The following PDE5A variants were observed in gnomAD, a reference collection of about 807,000 sequenced individuals.
PDE5A encodes phosphodiesterase 5A.
A neutral mutation model predicts 110.2 loss-of-function variants in PDE5A; 67 were observed. That is an observed-to-expected ratio of 0.61 (90% confidence interval 0.50 to 0.75). The LOEUF is 0.75. PDE5A is among the 30% of genes least tolerant of loss of function. The probability of loss-of-function intolerance (pLI) is 0.00; values close to 1 mark genes in which losing one functional copy is unlikely to be tolerated. For synonymous variants in PDE5A, 328 were observed against 351.2 expected (o/e 0.93, Z 0.74); for missense variants, 862 against 1,045.1 (o/e 0.82, Z 2.42).
At chr4:119,591,889 C>G (rs937646461) in intron 3 of PDE5A, among the ~76,000 whole-genome samples, 1 of 150,802 alleles carries the variant, frequency 6.6e-6, no homozygotes, top group South Asian at 2.1e-4. Flanking sequence ...CAGTGGCTCA[C>G]GCCTGTAATC....
At chr4:119,598,494 T>C (rs955089529) in intron 2 of PDE5A, among the ~76,000 whole-genome samples, 3 of 152,318 alleles carry the variant, frequency 2.0e-5, no homozygotes, top group South Asian at 4.1e-4. Context: ...ACTACAATCA[T>C]TGTGATTATT....
chr4:119,573,793 G>T (rs1252581379), intron 3 of PDE5A, among the ~76,000 whole-genome samples: 6 of 152,148 alleles, frequency 3.9e-5, no homozygotes. Flanking sequence ...CTAAGGAATT[G>T]CAAGATATAA....
At chr4:119,500,584 C>CCT (rs1254122029) in intron 20 of PDE5A, among the ~76,000 whole-genome samples, 2 of 152,032 alleles carry the variant, frequency 1.3e-5, no homozygotes, top group African/African-American at 4.8e-5. Context: ...AAAACATTTC[C>CCT]GTTTAAACCT....
chr4:119,527,900 C>T (rs1463801595), intron 11 of PDE5A, among the ~76,000 whole-genome samples: 1 of 152,022 alleles, frequency 6.6e-6, no homozygotes, highest in East Asian at 1.9e-4. Flanking sequence ...GTGATACCAC[C>T]TAATACCACC....
chr4:119,522,126 A>C (rs139639394), intron 12 of PDE5A, among the ~76,000 whole-genome samples: 309 of 152,260 alleles, frequency 2.0e-3, no homozygotes, highest in African/African-American at 7.2e-3. Context: ...ACTTGGTGGG[A>C]AATCAATGCT....
intron 3 of PDE5A, among the ~76,000 whole-genome samples, chr4:119,595,717 G>A (rs1420691062): frequency 1.3e-5 from 2 of 152,184 alleles, no homozygotes; most frequent in African/African-American, 4.8e-5. Flanking sequence ...TTACACCACA[G>A]GTTTTCCTGT....
intron 6 of PDE5A, 116 bp downstream of exon 6, chr4:119,562,717 A>T: frequency 2.7e-6 from 2 of 744,300 alleles, no homozygotes; most frequent in Non-Finnish European, 4.2e-6. Context: ...ATACATATTC[A>T]TACACATTTG....
intron 3 of PDE5A, among the ~76,000 whole-genome samples, chr4:119,593,077 A>G (rs1729036652): frequency 6.6e-6 from 1 of 152,200 alleles, no homozygotes; most frequent in East Asian, 1.9e-4. Flanking sequence ...CTGATACACT[A>G]TGTGTTGCCA....
chr4:119,549,344 T>C (rs1727256722), intron 9 of PDE5A: 1 of 152,220 alleles, frequency 6.6e-6, no homozygotes, highest in Non-Finnish European at 1.5e-5. Flanking sequence ...TTTGAAAGTG[T>C]AAGAGACTTA....
At chr4:119,518,555 T>C (rs1006248493) in intron 14 of PDE5A, among the ~76,000 whole-genome samples, 2 of 152,178 alleles carry the variant, frequency 1.3e-5, no homozygotes, top group Non-Finnish European at 2.9e-5. Context: ...ACAACTATTA[T>C]CTCCATTTTA....
At chr4:119,518,367 C>T (rs1725990515) in intron 14 of PDE5A, among the ~76,000 whole-genome samples, 2 of 152,172 alleles carry the variant, frequency 1.3e-5, no homozygotes, top group Non-Finnish European at 2.9e-5. Flanking sequence ...ATCTCAAATG[C>T]CACTTAAGTA....
intron 1 of PDE5A, among the ~76,000 whole-genome samples, chr4:119,613,141 A>G (rs1274033589): frequency 6.6e-6 from 1 of 152,250 alleles, no homozygotes; most frequent in African/African-American, 2.4e-5. Context: ...AAAGCCAAAC[A>G]TGAACTGAAG....
chr4:119,538,337 C>T (rs1056508543), intron 11 of PDE5A, among the ~76,000 whole-genome samples: 1 of 152,128 alleles, frequency 6.6e-6, no homozygotes, highest in African/African-American at 2.4e-5. Context: ...TGGCCCTTAC[C>T]TATGTCATCG....
Position 119,533,202 on chromosome 4 carries a change from A to G in PDE5A, c.1632+5758T>C, listed in dbSNP as rs538231260. On this transcript the variant is annotated intron_variant, in intron 11 of 20. Coordinates refer to ENST00000354960, the MANE Select transcript of PDE5A (RefSeq NM_001083.4). ...TTTTTAAAGAAATTATTTTTATTAT[A>G]TATTTGATGGGTTATATCAGTGGCT... 2.3e-4 allele frequency among the ~76,000 whole-genome samples: 35 copies of G among 152,274 alleles called. 1 individual carries two copies. Among genetic ancestry groups the G allele is most frequent in the Admixed American group, 2.3e-3 (35 of 15,280 alleles).
intron 1 of PDE5A, among the ~76,000 whole-genome samples, chr4:119,617,041 CAT>C (rs1160772720): frequency 1.3e-5 from 2 of 152,010 alleles, no homozygotes; most frequent in Non-Finnish European, 2.9e-5. Context: ...CACTTCATCT[CAT>C]AGTCTCTAAA....
intron 20 of PDE5A, 110 bp from the exon 21 acceptor site, chr4:119,498,848 A>C: frequency 8.7e-7 from 1 of 1,148,152 alleles, no homozygotes; most frequent in Non-Finnish European, 1.3e-6. Context: ...AAGCAGACTC[A>C]CTGTTGAAAT....
chr4:119,577,274 C>T (rs1728392556), intron 3 of PDE5A, among the ~76,000 whole-genome samples: 2 of 152,182 alleles, frequency 1.3e-5, no homozygotes, highest in African/African-American at 4.8e-5. Context: ...GGAGCTGGTA[C>T]CATTCCTTCT....
intron 3 of PDE5A, among the ~76,000 whole-genome samples, chr4:119,585,765 G>C (rs1728740072): frequency 6.6e-6 from 1 of 152,106 alleles, no homozygotes; most frequent in Non-Finnish European, 1.5e-5. Context: ...CTAAAGAACA[G>C]AACGCCGGGA....
intron 13 of PDE5A, chr4:119,519,745 C>CT (rs1298859798): frequency 6.6e-6 from 1 of 152,050 alleles, no homozygotes; most frequent in Admixed American, 6.6e-5. Flanking sequence ...TCTCAGTACT[C>CT]TAAATAGGTT....
Sources: gnomAD v4.1 joint callset for allele counts (sites outside exome capture counted in the v4.1 genomes callset) on GRCh38, gnomAD v4.1.1 for gene constraint, MANE v1.5 for transcripts, NCBI Gene and HGNC (gene_info 2026-07-23, HGNC 2026-07-21) for gene names.